Variants in CACNA1E observed in about 807,000 individuals in gnomAD.
CACNA1E encodes calcium voltage-gated channel subunit alpha1 E.
CACNA1E carries 40 observed loss-of-function variants against 259.2 expected under a neutral mutation model. The ratio of observed to expected loss-of-function variants is 0.15; its 90% CI spans 0.12 to 0.20. The LOEUF (loss-of-function observed/expected upper bound fraction) is 0.20, where lower values mean the gene tolerates loss of function less well. CACNA1E is among the 10% of genes least tolerant of loss of function. The pLI is 1.00. For synonymous variants in CACNA1E, 1,104 were observed against 1,138.5 expected (o/e 0.97, Z 0.61); for missense variants, 1,874 against 3,040.1 (o/e 0.62, Z 9.02).
At chr1:181,621,870 G>A (rs1410430570) in intron 6 of CACNA1E, among the ~76,000 whole-genome samples, 3 of 152,136 alleles carry the variant, frequency 2.0e-5, no homozygotes, top group African/African-American at 7.2e-5. Context: ...CAATACATAG[G>A]TAGGGGAACC....
rs145642750 is a variant in CACNA1E at position 181,494,802 on chromosome 1, T to C, written c.266+10792T>C. ...AAGTGCTATGTCATCTGCAGATTTATAAGCAAATACTTAATGCTTTCATTT... is the reference window on the plus strand; with the variant it reads ...AAGTGCTATGTCATCTGCAGATTTACAAGCAAATACTTAATGCTTTCATTT... On this transcript the variant is annotated intron_variant, in intron 1 of 47. Coordinates refer to ENST00000367573, the MANE Select transcript of CACNA1E (RefSeq NM_001205293.3). 2.4e-3 allele frequency among the ~76,000 whole-genome samples: 362 copies of C among 152,354 alleles called. 2 individuals carry two copies. Among genetic ancestry groups the C allele is most frequent in the African/African-American group, 8.5e-3 (352 of 41,580 alleles).
chr1:181,766,479 A>C, intron 34 of CACNA1E, 67 bp from the exon 35 acceptor site: 2 of 1,077,850 alleles, frequency 1.9e-6, no homozygotes, highest in Non-Finnish European at 2.9e-6. Flanking sequence ...ACTGCCGGTG[A>C]CTGCAGGTTG....
intron 3 of CACNA1E, among the ~76,000 whole-genome samples, chr1:181,556,654 T>G (rs1340010919): frequency 2.0e-5 from 3 of 152,170 alleles, no homozygotes; most frequent in African/African-American, 7.2e-5. Context: ...CTTCTTATAT[T>G]GCATTTGCTT....
intron 24 of CACNA1E, 26 bp from the exon 25 acceptor site, chr1:181,739,121 C>G (rs758717528): frequency 2.3e-5 from 32 of 1,393,256 alleles, no homozygotes; most frequent in Non-Finnish European, 3.2e-5. Context: ...TCTTGGCTCA[C>G]TGTGGCTGTT....
intron 6 of CACNA1E, among the ~76,000 whole-genome samples, chr1:181,647,489 A>G (rs1658382350): frequency 6.6e-6 from 1 of 152,154 alleles, no homozygotes; most frequent in Admixed American, 6.5e-5. Flanking sequence ...CCTCCTGCTG[A>G]GACAGACACG....
chr1:181,347,030 G>A (rs927310814), intron 1 of CACNA1E, among the ~76,000 whole-genome samples: 9 of 152,156 alleles, frequency 5.9e-5, no homozygotes, highest in African/African-American at 2.2e-4. Flanking sequence ...TAATCACGGA[G>A]GACCATGCCT....
intron 46 of CACNA1E, among the ~76,000 whole-genome samples, chr1:181,795,776 A>G (rs1220671213): frequency 1.4e-5 from 2 of 143,588 alleles, no homozygotes; most frequent in Non-Finnish European, 3.1e-5. Context: ...AAATATATAT[A>G]TATATATATA....
At chr1:181,708,422 T>C (rs1292323920) in intron 7 of CACNA1E, among the ~76,000 whole-genome samples, 1 of 152,138 alleles carries the variant, frequency 6.6e-6, no homozygotes, top group Non-Finnish European at 1.5e-5. Context: ...AGATTCAGTT[T>C]TCTGAGCTGG....
At chr1:181,452,915 C>T (rs1661251523) in intron 2 of CACNA1E, among the ~76,000 whole-genome samples, 1 of 152,238 alleles carries the variant, frequency 6.6e-6, no homozygotes, top group South Asian at 2.1e-4. Flanking sequence ...GCACTCCAGA[C>T]ACTGGAAGAA....
At position 181,329,477 on chromosome 1, in the gene CACNA1E, G is replaced by T. The variant is rs189067174; in HGVS notation, c.-15+11354G>T. ...CCACCACAGCTTCAATGCCTACTTT[G>T]CTCTCTATCACCCACCAGCTTCCAG... On this transcript the variant is annotated intron_variant, in intron 1 of 11. Coordinates refer to the CACNA1E transcript ENST00000524607. Among the ~76,000 whole-genome samples, 242 of 152,188 alleles carry T rather than the reference G, an allele frequency of 1.6e-3. 1 individual carries two copies. The highest frequency in any genetic ancestry group is 5.5e-3 in the African/African-American group (228 of 41,526).
chr1:181,491,911 T>G (rs1366030486), intron 1 of CACNA1E, among the ~76,000 whole-genome samples: 1 of 152,312 alleles, frequency 6.6e-6, no homozygotes, highest in East Asian at 1.9e-4. Context: ...TGCCTCATAT[T>G]GCCCTGACCA....
intron 1 of CACNA1E, among the ~76,000 whole-genome samples, chr1:181,330,492 G>T (rs977037122): frequency 6.6e-6 from 1 of 152,172 alleles, no homozygotes; most frequent in African/African-American, 2.4e-5. Flanking sequence ...CTGGGGAACG[G>T]GGCAAACACA....
chr1:181,775,030 T>G (rs1659855137), intron 37 of CACNA1E, among the ~76,000 whole-genome samples: 1 of 152,184 alleles, frequency 6.6e-6, no homozygotes, highest in African/African-American at 2.4e-5. Context: ...TGCCTCCACC[T>G]TGCTCCATCC....
intron 18 of CACNA1E, among the ~76,000 whole-genome samples, chr1:181,727,854 A>G (rs967369255): frequency 1.3e-5 from 2 of 152,132 alleles, no homozygotes; most frequent in Non-Finnish European, 2.9e-5. Context: ...GGTTGGCTAG[A>G]GTTCCAGTGA....
chr1:181,321,409 C>T (rs1322171549), intron 1 of CACNA1E, among the ~76,000 whole-genome samples: 1 of 152,202 alleles, frequency 6.6e-6, no homozygotes, highest in African/African-American at 2.4e-5. Context: ...CGCATGTCAC[C>T]ATCTGATTTT....
intron 1 of CACNA1E, among the ~76,000 whole-genome samples, chr1:181,358,980 G>T (rs1234970959): frequency 1.3e-5 from 2 of 152,174 alleles, no homozygotes; most frequent in East Asian, 3.9e-4. Flanking sequence ...TGCAGCTTCT[G>T]GCCATTCCTT....
intron 2 of CACNA1E, among the ~76,000 whole-genome samples, chr1:181,419,956 T>C (rs10752856): frequency 0.26 from 39,464 of 152,110 alleles, 5,181 homozygotes; most frequent in Admixed American, 0.3. Context: ...TCCTGACTTA[T>C]GTTCTTTAGA....
chr1:181,473,488 G>A (rs1014590469), intron 2 of CACNA1E, among the ~76,000 whole-genome samples: 2 of 152,180 alleles, frequency 1.3e-5, no homozygotes, highest in African/African-American at 2.4e-5. Flanking sequence ...GCAGTAGGAG[G>A]AGCAGGTTGG....
Position 181,781,447 on chromosome 1 carries a change from A to G in CACNA1E, c.5288A>G (p.Glu1763Gly). 1 of 1,587,960 alleles carries G rather than the reference A, an allele frequency of 6.3e-7. No homozygotes were observed. Among genetic ancestry groups the G allele is most frequent in the Non-Finnish European group, 8.6e-7 (1 of 1,163,150 alleles). Residue 1763 changes from glutamate (E) to glycine (G), a missense_variant, in exon 39 of 48, where the codon GAG (glutamate) becomes GGG (glycine). Coordinates refer to ENST00000367573, the MANE Select transcript of CACNA1E (RefSeq NM_001205293.3). ...AGCAGTGGCCGCATCCATTACACTG[A>G]GATGTATGAAATGCTGACTCTCATG... Reference protein sequence around the residue: ...RAACGRIHYTEMYEMLTLMSP... With the variant: ...RAACGRIHYTGMYEMLTLMSP...
Sources: gnomAD v4.1 joint callset for allele counts (sites outside exome capture counted in the v4.1 genomes callset) on GRCh38, gnomAD v4.1.1 for gene constraint, MANE v1.5 for transcripts, NCBI Gene and HGNC (gene_info 2026-07-23, HGNC 2026-07-21) for gene names.